CDK19: variants seen among roughly 807,000 people sequenced by gnomAD.
CDK19 encodes cyclin dependent kinase 19.
In CDK19, 20 loss-of-function variants were observed where a neutral mutation model predicts 68.3. The ratio of observed to expected loss-of-function variants is 0.29; its 90% CI spans 0.21 to 0.43. The LOEUF is 0.43. Ranked by LOEUF, CDK19 falls within the 20% of genes least tolerant of loss-of-function variation. CDK19 has a pLI of 1.00. For synonymous variants in CDK19, 221 were observed against 222.8 expected (o/e 0.99, Z 0.07); for missense variants, 339 against 623.5 (o/e 0.54, Z 4.86).
intron 2 of CDK19, among the ~76,000 whole-genome samples, chr6:110,682,382 T>G (rs1338719469): frequency 6.6e-6 from 1 of 152,190 alleles, no homozygotes; most frequent in Non-Finnish European, 1.5e-5. Context: ...AAATAGGAGA[T>G]TTGCCTAATT....
intron 1 of CDK19, among the ~76,000 whole-genome samples, chr6:110,769,632 G>A (rs961015112): frequency 6.6e-6 from 1 of 151,412 alleles, no homozygotes; most frequent in African/African-American, 2.4e-5. Context: ...TGGTATATGG[G>A]AACTCTACTT....
chr6:110,786,704 A>C (rs1186434801), intron 1 of CDK19, among the ~76,000 whole-genome samples: 2 of 149,226 alleles, frequency 1.3e-5, no homozygotes, highest in African/African-American at 4.9e-5. Context: ...TGTTGAACTC[A>C]TTGGGCTATG....
At chr6:110,753,785 T>C (rs1778648321) in intron 1 of CDK19, among the ~76,000 whole-genome samples, 1 of 152,038 alleles carries the variant, frequency 6.6e-6, no homozygotes, top group Non-Finnish European at 1.5e-5. Context: ...CTTGGAGAGT[T>C]TTAATGAAAA....
At chr6:110,803,269 C>T (rs778488160) in intron 1 of CDK19, among the ~76,000 whole-genome samples, 2 of 152,104 alleles carry the variant, frequency 1.3e-5, no homozygotes, top group African/African-American at 2.4e-5. Context: ...TTAGTAGAGA[C>T]GGGGTTTCAT....
chr6:110,709,853 T>G (rs1183079554), intron 2 of CDK19, among the ~76,000 whole-genome samples: 1 of 152,214 alleles, frequency 6.6e-6, no homozygotes, highest in African/African-American at 2.4e-5. Flanking sequence ...AAGGGTAGAA[T>G]CTAACCTAAT....
intron 1 of CDK19, among the ~76,000 whole-genome samples, chr6:110,807,460 TG>T (rs1263494896): frequency 2.0e-5 from 3 of 152,138 alleles, no homozygotes; most frequent in African/African-American, 7.2e-5. Flanking sequence ...GGTGGTTTTT[TG>T]TTATTTTTGT....
chr6:110,721,298 G>A (rs1026389816), intron 2 of CDK19, among the ~76,000 whole-genome samples: 3 of 151,976 alleles, frequency 2.0e-5, no homozygotes, highest in African/African-American at 7.2e-5. Context: ...GAGACTCCAA[G>A]GAAATAAAAA....
intron 1 of CDK19, among the ~76,000 whole-genome samples, chr6:110,788,898 C>T (rs777602403): frequency 6.6e-6 from 1 of 152,060 alleles, no homozygotes; most frequent in Non-Finnish European, 1.5e-5. Flanking sequence ...GCACTTCTGG[C>T]ATGATTAGTG....
At chr6:110,700,626 T>C (rs1364367271) in intron 2 of CDK19, 2 of 152,606 alleles carry the variant, frequency 1.3e-5, no homozygotes, top group Admixed American at 1.3e-4. Context: ...GGAATTAGAA[T>C]AAAACCCCTG....
intron 2 of CDK19, among the ~76,000 whole-genome samples, chr6:110,674,574 C>G (rs893832948): frequency 2.0e-5 from 3 of 152,126 alleles, no homozygotes; most frequent in African/African-American, 7.2e-5. Context: ...TTTTAGTGAT[C>G]TGGATAGAAG....
At chr6:110,749,864 C>T (rs1216916393) in intron 1 of CDK19, among the ~76,000 whole-genome samples, 1 of 110,106 alleles carries the variant, frequency 9.1e-6, no homozygotes, top group African/African-American at 3.2e-5. Flanking sequence ...CCTCCGCCTC[C>T]CAGGTTCAAG....
chr6:110,790,786 TATA>T (rs1181086615), intron 1 of CDK19, among the ~76,000 whole-genome samples: 1 of 152,312 alleles, frequency 6.6e-6, no homozygotes, highest in Admixed American at 6.5e-5. Context: ...CAGTGCTATT[TATA>T]ATAATAAAAA....
intron 2 of CDK19, among the ~76,000 whole-genome samples, chr6:110,734,522 T>TCG (rs759961255): frequency 2.8e-5 from 3 of 106,938 alleles, no homozygotes; most frequent in East Asian, 4.0e-4. Flanking sequence ...TGAGCACTGC[T>TCG]CTCTCTCTCT....
At chr6:110,636,862 A>C (rs1779809691) in intron 5 of CDK19, among the ~76,000 whole-genome samples, 1 of 152,256 alleles carries the variant, frequency 6.6e-6, no homozygotes, top group African/African-American at 2.4e-5. Context: ...ATATTGTACT[A>C]TGAGGTAGGA....
rs138024577 is a variant in CDK19 at position 110,740,644 on chromosome 6, A to C, written c.204+5482T>G. Among the ~76,000 whole-genome samples the C allele has an allele frequency of 2.0e-3, 311 of 152,352 alleles. 1 individual carries two copies. The highest frequency in any genetic ancestry group is 7.2e-3 in the African/African-American group (300 of 41,578). Reference sequence around the variant, plus strand: ...CCCAGCATCCCACTATATCCTCAACAGTTATTCTGCAATCATAGTCCCAAG... The same window carrying C: ...CCCAGCATCCCACTATATCCTCAACCGTTATTCTGCAATCATAGTCCCAAG... On this transcript the variant is annotated intron_variant, in intron 2 of 12. Coordinates refer to ENST00000368911, the MANE Select transcript of CDK19 (RefSeq NM_015076.5).
At chr6:110,734,526 T>G (rs969674363) in intron 2 of CDK19, among the ~76,000 whole-genome samples, 1 of 138,868 alleles carries the variant, frequency 7.2e-6, no homozygotes, top group Non-Finnish European at 1.5e-5. Context: ...CACTGCTCTC[T>G]CTCTCTCTCT....
chr6:110,643,199 G>T lies in CDK19; in HGVS notation c.457-4493C>A, dbSNP rs867238334. ...CTGGAGGAAACACTTACCAACTTAG[G>T]CCTGACGAGTAAAACAATACATTTT... On this transcript the variant is annotated intron_variant, in intron 4 of 12. Coordinates refer to ENST00000368911, the MANE Select transcript of CDK19 (RefSeq NM_015076.5). The T allele has an allele frequency of 5.4e-6, 7 of 1,287,846 alleles. 1 individual carries two copies. The Middle Eastern group carries it at 1.3e-3, about 235-fold the overall frequency. The allele number at this position is 1,287,846 out of a possible 1,614,324, so 79.8% of individuals were successfully genotyped here.
chr6:110,801,210 G>A (rs1782320099), intron 1 of CDK19, among the ~76,000 whole-genome samples: 1 of 152,118 alleles, frequency 6.6e-6, no homozygotes, highest in South Asian at 2.1e-4. Context: ...CTGGGGGAAG[G>A]AGCTGGCTCA....
Position 110,621,879 on chromosome 6 carries a change from C to T in CDK19, c.1110+209G>A, listed in dbSNP as rs1778743894. On this transcript the variant is annotated intron_variant, in intron 11 of 12. Transcript: ENST00000368911. The surrounding 1 kb of genome is among the most constrained non-coding windows in gnomAD (Gnocchi z 5.4). The stretch of plus-strand genomic sequence containing the variant: ...GGAGTAGAACTGGCTGTAACACACA[C>T]CGGAAGCTCAGGTATCTGTGAGCTG... 6.6e-6 allele frequency among the ~76,000 whole-genome samples: 1 copy of T among 152,148 alleles called. No homozygotes were observed. Among genetic ancestry groups the T allele is most frequent in the Admixed American group, 6.5e-5 (1 of 15,276 alleles).
Sources: allele counts gnomAD v4.1 joint callset (sites outside exome capture counted in the v4.1 genomes callset), GRCh38; gene constraint gnomAD v4.1.1; non-coding constraint Gnocchi (gnomAD v3.1); transcripts MANE v1.5; gene names NCBI Gene and HGNC (gene_info 2026-07-23, HGNC 2026-07-21).